SLCO2A1: variants seen among roughly 807,000 people sequenced by gnomAD.
SLCO2A1 encodes the protein matrin F/G 1.
In SLCO2A1, 60 loss-of-function variants were observed where a neutral mutation model predicts 71.7. The ratio of observed to expected loss-of-function variants is 0.84; its 90% CI spans 0.68 to 1.04. The LOEUF is 1.04. Ranked by LOEUF, SLCO2A1 falls within the 50% of genes least tolerant of loss-of-function variation. SLCO2A1 has a pLI of 0.00. For synonymous variants in SLCO2A1, 308 were observed against 326.7 expected, an observed-to-expected ratio of 0.94 and a Z score of 0.62; for missense variants, 745 against 813.4, an observed-to-expected ratio of 0.92 and a Z score of 1.02.
intron 1 of SLCO2A1, among the ~76,000 whole-genome samples, chr3:133,993,514 T>C (rs898529346): frequency 6.6e-6 from 1 of 152,072 alleles, no homozygotes; most frequent in Non-Finnish European, 1.5e-5. Context: ...AACATAAACA[T>C]GTGAGACAAG....
At chr3:134,027,007 T>G (rs574808434) in intron 1 of SLCO2A1, among the ~76,000 whole-genome samples, 1 of 152,364 alleles carries the variant, frequency 6.6e-6, no homozygotes, top group Non-Finnish European at 1.5e-5. Flanking sequence ...CTCCCTTGTT[T>G]GCTACCTATA....
intron 1 of SLCO2A1, among the ~76,000 whole-genome samples, chr3:133,985,355 CCA>C (rs1414656380): frequency 1.3e-5 from 2 of 152,186 alleles, no homozygotes; most frequent in Non-Finnish European, 2.9e-5. Flanking sequence ...AACTCCGCAT[CCA>C]CACACACATC....
At chr3:133,983,910 C>T (rs1934650732) in intron 1 of SLCO2A1, among the ~76,000 whole-genome samples, 1 of 152,104 alleles carries the variant, frequency 6.6e-6, no homozygotes. Flanking sequence ...ACCGCTGTCA[C>T]CGATTCAACG....
At chr3:133,977,394 C>T (rs757684001) in intron 2 of SLCO2A1, among the ~76,000 whole-genome samples, 1 of 152,198 alleles carries the variant, frequency 6.6e-6, no homozygotes, top group Admixed American at 6.5e-5. Flanking sequence ...TTAAGCAGAT[C>T]CTGCTACAAG....
chr3:134,009,742 A>G (rs1382526349), intron 1 of SLCO2A1, among the ~76,000 whole-genome samples: 2 of 152,268 alleles, frequency 1.3e-5, no homozygotes, highest in Non-Finnish European at 2.9e-5. Context: ...GGCTTGGGAA[A>G]ATACAACAAC....
At chr3:133,942,894 T>TG (rs2108039143) in intron 10 of SLCO2A1, 126 bp from the exon 11 acceptor site, 1 of 1,032,626 alleles carries the variant, frequency 9.7e-7, no homozygotes, top group East Asian at 3.0e-5. Flanking sequence ...TGGGTCTGGT[T>TG]CCCAGGGAAG....
chr3:134,007,865 C>G (rs1559956135), intron 1 of SLCO2A1, among the ~76,000 whole-genome samples: 1 of 152,220 alleles, frequency 6.6e-6, no homozygotes, highest in African/African-American at 2.4e-5. Context: ...TTCCTGTGTT[C>G]AATTCATTCT....
intron 6 of SLCO2A1, 121 bp from the exon 7 acceptor site, chr3:133,949,092 C>T (rs1024929156): frequency 5.4e-5 from 42 of 778,926 alleles, no homozygotes; most frequent in Middle Eastern, 2.6e-4. Flanking sequence ...CCCCTCCAGG[C>T]GTGTGTGCAT....
chr3:133,948,009 T>C (rs1933630475), intron 8 of SLCO2A1, among the ~76,000 whole-genome samples: 1 of 152,196 alleles, frequency 6.6e-6, no homozygotes, highest in Non-Finnish European at 1.5e-5. Context: ...AAAATACTAC[T>C]GCTGGGTGCC....
intron 4 of SLCO2A1, among the ~76,000 whole-genome samples, chr3:133,954,051 G>A (rs896048181): frequency 2.0e-5 from 3 of 152,002 alleles, no homozygotes; most frequent in African/African-American, 4.8e-5. Context: ...CTGTGGGTAC[G>A]ATGCTGGGGG....
chr3:134,001,001 G>A (rs540340510), intron 1 of SLCO2A1, among the ~76,000 whole-genome samples: 63 of 152,308 alleles, frequency 4.1e-4, no homozygotes, highest in South Asian at 1.2e-3. Context: ...AAAGCAGGAG[G>A]ACAAAGGCCT....
At chr3:134,022,717 T>C (rs997666004) in intron 1 of SLCO2A1, among the ~76,000 whole-genome samples, 1 of 152,238 alleles carries the variant, frequency 6.6e-6, no homozygotes, top group African/African-American at 2.4e-5. Context: ...AACACACTAA[T>C]ATAAAGGTAA....
At position 134,009,350 on chromosome 3, in the gene SLCO2A1, G is replaced by T. The variant is rs150992114; in HGVS notation, c.96+20357C>A. On this transcript the variant is annotated intron_variant, in intron 1 of 13. Transcript: ENST00000310926. ...CCTGCCTTCTTTACTTAACATTAGA[G>T]AATGAACTCTTCCCCCAAATTTCAA... 2.1e-3 allele frequency among the ~76,000 whole-genome samples: 316 copies of T among 152,282 alleles called. 1 individual carries two copies. The highest frequency in any genetic ancestry group is 7.0e-3 in the African/African-American group (289 of 41,560).
chr3:133,959,144 G>C (rs1008044779), intron 3 of SLCO2A1, among the ~76,000 whole-genome samples: 12 of 152,120 alleles, frequency 7.9e-5, no homozygotes, highest in Admixed American at 7.9e-4. Flanking sequence ...AGGAGAACGC[G>C]GAGTCCTGAA....
At chr3:133,949,109 G>T in intron 6 of SLCO2A1, 138 bp from the exon 7 acceptor site, 4 of 673,586 alleles carry the variant, frequency 5.9e-6, no homozygotes, top group South Asian at 5.3e-5. Flanking sequence ...GCATGGGAGG[G>T]CATCCAGAGA....
intron 1 of SLCO2A1, among the ~76,000 whole-genome samples, chr3:133,997,686 A>G (rs1028845857): frequency 1.3e-5 from 2 of 152,224 alleles, no homozygotes; most frequent in African/African-American, 4.8e-5. Context: ...CAGAACTGTG[A>G]GAGAATACAT....
chr3:134,020,160 A>G (rs915010748), intron 1 of SLCO2A1, among the ~76,000 whole-genome samples: 2 of 152,078 alleles, frequency 1.3e-5, no homozygotes, highest in African/African-American at 4.8e-5. Context: ...TCAATGGATC[A>G]TGACCCGCTC....
At chr3:134,010,598 G>A (rs183104496) in intron 1 of SLCO2A1, among the ~76,000 whole-genome samples, 28 of 151,976 alleles carry the variant, frequency 1.8e-4, no homozygotes, top group Non-Finnish European at 2.9e-4. Context: ...CTAAAAAAAC[G>A]CAAAAATTAG....
chr3:133,987,889 T>A (rs1341181443), intron 1 of SLCO2A1, among the ~76,000 whole-genome samples: 1 of 152,218 alleles, frequency 6.6e-6, no homozygotes, highest in African/African-American at 2.4e-5. Flanking sequence ...ATGGCAGCTA[T>A]CTGCTTTCCC....
Sources: gnomAD v4.1 joint callset for allele counts (sites outside exome capture counted in the v4.1 genomes callset) on GRCh38, gnomAD v4.1.1 for gene constraint, MANE v1.5 for transcripts, NCBI Gene and HGNC (gene_info 2026-07-23, HGNC 2026-07-21) for gene names.